Variants in ADAM12 observed in about 807,000 individuals in gnomAD.
The protein encoded by ADAM12 is ADAM metallopeptidase domain 12.
In ADAM12, 70 loss-of-function variants were observed where a neutral mutation model predicts 106.4. That is an observed-to-expected ratio of 0.66 (90% CI 0.54 to 0.80). ADAM12 has a LOEUF of 0.80. ADAM12 is among the 30% of genes least tolerant of loss of function. The pLI, the probability that ADAM12 is intolerant of heterozygous loss-of-function variation, is 0.00. For synonymous variants in ADAM12, 420 were observed against 433.5 expected (o/e 0.97, Z 0.39); for missense variants, 1,010 against 1,171.9 (o/e 0.86, Z 2.02).
At chr10:126,330,623 GGAA>G in intron 1 of ADAM12, 114 bp from the exon 2 acceptor site, 3 of 865,946 alleles carry the variant, frequency 3.5e-6, no homozygotes, top group Non-Finnish European at 5.4e-6. Flanking sequence ...ATAAGCCCAG[GGAA>G]ACACTAGAAC....
At chr10:126,041,290 T>C in intron 18 of ADAM12, 1 of 976,454 alleles carries the variant, frequency 1.0e-6, no homozygotes, top group Non-Finnish European at 1.2e-6. Flanking sequence ...TGAGCCATGC[T>C]TGCTCATGGC....
chr10:126,351,936 C>T (rs544353335), intron 1 of ADAM12, among the ~76,000 whole-genome samples: 10 of 152,068 alleles, frequency 6.6e-5, no homozygotes, highest in African/African-American at 1.9e-4. Flanking sequence ...TATAGGACTC[C>T]GGCCTCGTCC....
intron 3 of ADAM12, among the ~76,000 whole-genome samples, chr10:126,169,926 T>C (rs934122765): frequency 1.3e-5 from 2 of 152,236 alleles, no homozygotes; most frequent in East Asian, 1.9e-4. Context: ...CTGATGTAGA[T>C]TGGCATCTTC....
At chr10:126,268,380 G>A (rs1303199902) in intron 3 of ADAM12, among the ~76,000 whole-genome samples, 3 of 152,156 alleles carry the variant, frequency 2.0e-5, no homozygotes, top group Non-Finnish European at 4.4e-5. Flanking sequence ...ATCTGTCGAT[G>A]AACACTTGGG....
chr10:126,203,155 T>C (rs1021193787), intron 3 of ADAM12, among the ~76,000 whole-genome samples: 2 of 152,208 alleles, frequency 1.3e-5, no homozygotes, highest in African/African-American at 4.8e-5. Context: ...ACAAAAAACC[T>C]TTATTTCTAA....
In ADAM12 at chr10:126,191,429, C is replaced by T. The variant is rs115764221; in HGVS notation, c.261-36124G>A. ...AGCCTGGAGGAAGTCAGCAGGTGAC[C>T]GCATGAGTCCAGATGAAAGGTGATG... On this transcript the variant is annotated intron_variant, in intron 3 of 22. Transcript: ENST00000448723. Among the ~76,000 whole-genome samples, 991 of 152,072 alleles carry T rather than the reference C, an allele frequency of 6.5e-3. 10 individuals carry two copies. The highest frequency in any genetic ancestry group is 0.022 in the African/African-American group (903 of 41,478).
At chr10:126,087,860 C>T (rs1955387085) in intron 11 of ADAM12, among the ~76,000 whole-genome samples, 1 of 152,088 alleles carries the variant, frequency 6.6e-6, no homozygotes, top group Non-Finnish European at 1.5e-5. Flanking sequence ...TCTTAAAACA[C>T]CTTTTCAGGC....
chr10:126,311,094 T>C (rs61863882), intron 2 of ADAM12, among the ~76,000 whole-genome samples: 17 of 138,448 alleles, frequency 1.2e-4, no homozygotes, highest in South Asian at 2.5e-4. Flanking sequence ...TACACACAAA[T>C]ACACACACAC....
At chr10:126,147,521 G>C (rs566997324) in intron 4 of ADAM12, among the ~76,000 whole-genome samples, 3 of 152,144 alleles carry the variant, frequency 2.0e-5, no homozygotes, top group Non-Finnish European at 2.9e-5. Flanking sequence ...GGTCCTATAC[G>C]CTATGACTTT....
At chr10:126,346,297 A>G (rs1434843734) in intron 1 of ADAM12, among the ~76,000 whole-genome samples, 1 of 152,122 alleles carries the variant, frequency 6.6e-6, no homozygotes, top group Non-Finnish European at 1.5e-5. Context: ...GCCATTCAGG[A>G]GCAGGTTGTT....
At chr10:126,323,795 A>T (rs1402101858) in intron 2 of ADAM12, among the ~76,000 whole-genome samples, 2 of 152,230 alleles carry the variant, frequency 1.3e-5, no homozygotes, top group East Asian at 1.9e-4. Context: ...CACCTGAGGC[A>T]CAGTCCAAAT....
At chr10:126,021,265 A>G (rs1953761819) in intron 21 of ADAM12, among the ~76,000 whole-genome samples, 1 of 152,208 alleles carries the variant, frequency 6.6e-6, no homozygotes, top group Admixed American at 6.5e-5. Flanking sequence ...GCTTCAATTC[A>G]CCATCATAGG....
intron 3 of ADAM12, among the ~76,000 whole-genome samples, chr10:126,164,575 G>A (rs1439414311): frequency 3.3e-5 from 5 of 152,100 alleles, no homozygotes; most frequent in African/African-American, 1.2e-4. Flanking sequence ...ACATAGCACC[G>A]AATAAAGATC....
At chr10:126,019,859 A>T (rs2138280) in intron 21 of ADAM12, 34 bp from the exon 22 acceptor site, 1,040,079 of 1,584,794 alleles carry the variant, frequency 0.66, 346,448 homozygotes, top group Non-Finnish European at 0.68. Flanking sequence ...AGGGTCACTT[A>T]CCAGGAGCCA....
At chr10:126,210,580 C>A (rs1957882747) in intron 3 of ADAM12, among the ~76,000 whole-genome samples, 1 of 152,118 alleles carries the variant, frequency 6.6e-6, no homozygotes, top group Non-Finnish European at 1.5e-5. Context: ...GTCCTCCTGA[C>A]TGTTGAATAA....
chr10:126,238,789 G>A (rs1490833257), intron 3 of ADAM12, among the ~76,000 whole-genome samples: 2 of 152,160 alleles, frequency 1.3e-5, no homozygotes, highest in Non-Finnish European at 2.9e-5. Context: ...TTCTCTGCCA[G>A]CTAAGAAGTC....
intron 3 of ADAM12, among the ~76,000 whole-genome samples, chr10:126,215,527 G>C (rs1957972150): frequency 6.6e-6 from 1 of 152,186 alleles, no homozygotes; most frequent in East Asian, 1.9e-4. Context: ...GAATCTGTGA[G>C]GGAAGTGTGC....
At chr10:126,228,145 G>A (rs1958237064) in intron 3 of ADAM12, among the ~76,000 whole-genome samples, 1 of 152,124 alleles carries the variant, frequency 6.6e-6, no homozygotes, top group Non-Finnish European at 1.5e-5. Flanking sequence ...ACAATGCTTG[G>A]GTTCTGGAAT....
At chr10:126,042,466 G>A (rs759358143) in intron 18 of ADAM12, among the ~76,000 whole-genome samples, 1 of 152,144 alleles carries the variant, frequency 6.6e-6, no homozygotes, top group African/African-American at 2.4e-5. Context: ...CTGAGCCTCA[G>A]GTCCTAGGTA....
Sources: gnomAD v4.1 joint callset for allele counts (sites outside exome capture counted in the v4.1 genomes callset) on GRCh38, gnomAD v4.1.1 for gene constraint, MANE v1.5 for transcripts, NCBI Gene and HGNC (gene_info 2026-07-23, HGNC 2026-07-21) for gene names.